MLKL: variants seen among roughly 807,000 people sequenced by gnomAD.
MLKL encodes mixed lineage kinase domain-like protein.
Under a neutral mutation model 56.5 loss-of-function variants are expected in MLKL, and 55 were observed. The ratio of observed to expected loss-of-function variants is 0.97; its 90% confidence interval spans 0.78 to 1.22. The LOEUF (loss-of-function observed/expected upper bound fraction) is 1.22. MLKL is among the 50% of genes most tolerant of loss of function. The pLI is 0.00. For missense variants in MLKL, 694 were observed against 573.9 expected, an observed-to-expected ratio of 1.21 and a Z score of -2.14; for synonymous variants, 251 against 208.3, an observed-to-expected ratio of 1.20 and a Z score of -1.76.
intron 5 of MLKL, among the ~76,000 whole-genome samples, chr16:74,683,470 C>T (rs1960119681): frequency 1.3e-5 from 2 of 151,426 alleles, no homozygotes; most frequent in African/African-American, 4.9e-5. Flanking sequence ...GTGGGACATG[C>T]CTGTAGTCCC....
In MLKL at chr16:74,685,224, C is replaced by T. The variant is rs376874631; in HGVS notation, c.820+262G>A. Among the ~76,000 whole-genome samples the T allele has an allele frequency of 6.6e-5, 10 of 152,144 alleles. No individual in the cohort carries two copies. In the South Asian group the frequency reaches 1.2e-3, roughly 19 times the overall value. ...TCTTCCAGGCTGGCATCTAAACATG[C>T]ACCCCCTTATTTCCCAGTGGGCTGA... On this transcript the variant is annotated intron_variant, in intron 5 of 10. Coordinates refer to ENST00000308807, the MANE Select transcript of MLKL (RefSeq NM_152649.4).
At chr16:74,684,431 GAAAA>G (rs66482612) in intron 5 of MLKL, among the ~76,000 whole-genome samples, 1 of 112,746 alleles carries the variant, frequency 8.9e-6, no homozygotes, top group Admixed American at 1.0e-4. Context: ...GGGAAAAAAA[GAAAA>G]AAAAAAAAAA....
At chr16:74,675,889 G>A (rs781716397) in intron 7 of MLKL, 125 bp from the exon 8 acceptor site, 26 of 1,033,642 alleles carry the variant, frequency 2.5e-5, no homozygotes, top group Admixed American at 4.6e-5. Flanking sequence ...ATTTCCTGTC[G>A]TGACTTCTGT....
chr16:74,693,463 A>AAAAG (rs1960803472), intron 2 of MLKL, among the ~76,000 whole-genome samples: 1 of 100,702 alleles, frequency 9.9e-6, no homozygotes, highest in Non-Finnish European at 2.0e-5. Flanking sequence ...CAAAAAAAAA[A>AAAAG]AAAAAGAAAA....
At chr16:74,697,232 G>T (rs1961099828) in intron 1 of MLKL, among the ~76,000 whole-genome samples, 3 of 151,716 alleles carry the variant, frequency 2.0e-5, no homozygotes, top group Admixed American at 6.6e-5. Flanking sequence ...TGATCCTAAA[G>T]CTTGGAATGA....
At chr16:74,674,313 T>G (rs1480284377) in intron 10 of MLKL, among the ~76,000 whole-genome samples, 1 of 151,860 alleles carries the variant, frequency 6.6e-6, no homozygotes, top group Non-Finnish European at 1.5e-5. Flanking sequence ...CCAATATACT[T>G]GGCTAATTTT....
intron 1 of MLKL, among the ~76,000 whole-genome samples, chr16:74,698,624 C>G (rs1898547750): frequency 6.6e-6 from 1 of 152,176 alleles, no homozygotes; most frequent in South Asian, 2.1e-4. Flanking sequence ...GAAACAGAAG[C>G]AAATGTGGCA....
At chr16:74,695,784 T>C in intron 1 of MLKL, 25 bp from the exon 2 acceptor site, 1 of 1,551,288 alleles carries the variant, frequency 6.4e-7, no homozygotes, top group Non-Finnish European at 8.7e-7. Flanking sequence ...TGGAATTTGG[T>C]GAAATCCCCA....
At position 74,675,411 on chromosome 16, in the gene MLKL, G is replaced by C; in HGVS notation, c.1191-7C>G. Reference sequence around the variant, plus strand: ...CCAGAGGACGATTCCAAAGCTAAAAGAAAACCAAGAAACTGAACAACCATA... The same window carrying C: ...CCAGAGGACGATTCCAAAGCTAAAACAAAACCAAGAAACTGAACAACCATA... On this transcript the variant is annotated splice_polypyrimidine_tract_variant and splice_region_variant and intron_variant, in intron 8 of 10. Coordinates refer to ENST00000308807, the MANE Select transcript of MLKL (RefSeq NM_152649.4). The C allele has an allele frequency of 1.9e-6, 3 of 1,613,268 alleles. No individual in the cohort carries two copies. The highest frequency in any genetic ancestry group is 8.5e-7 in the Non-Finnish European group (1 of 1,179,972).
intron 1 of MLKL, among the ~76,000 whole-genome samples, chr16:74,699,769 T>C (rs1961264833): frequency 6.6e-6 from 1 of 152,060 alleles, no homozygotes; most frequent in Non-Finnish European, 1.5e-5. Context: ...ACCCTGGCTC[T>C]ACCAAAAAAT....
intron 1 of MLKL, among the ~76,000 whole-genome samples, chr16:74,697,956 A>G (rs564376926): frequency 6.6e-6 from 1 of 152,334 alleles, no homozygotes; most frequent in Admixed American, 6.5e-5. Context: ...CTGTAATCCC[A>G]GCACTTTGTG....
rs201194709 is a variant in MLKL, at chr16:74,695,563, G to T, written c.195C>A (p.Phe65Leu). Residue 65 changes from phenylalanine to leucine, a missense_variant, in exon 2 of 11, where the codon TTC becomes TTA. Transcript: ENST00000308807. ...SEKLTTAMNR[F>L]KAALEEANGE... Reference sequence around the variant, plus strand: ...CATTAGCCTCCTCCAGGGCAGCCTTGAAGCGGTTCATGGCTGTGGTTAACT... The same window carrying T: ...CATTAGCCTCCTCCAGGGCAGCCTTTAAGCGGTTCATGGCTGTGGTTAACT... 2.0e-4 allele frequency: 329 copies of T among 1,614,196 alleles called. 1 individual carries two copies. The highest frequency in any genetic ancestry group is 1.6e-4 in the Middle Eastern group (1 of 6,062).
In MLKL at chr16:74,691,398, G is replaced by A. The variant is rs371470408; in HGVS notation, c.601C>T (p.Leu201Phe). Residue 201 changes from leucine to phenylalanine, a missense_variant, in exon 4 of 11, where the codon CTT becomes TTT. Coordinates refer to ENST00000308807, the MANE Select transcript of MLKL (RefSeq NM_152649.4). ...EQIKEIKKEQLSGSPWILLRE... is the reference protein window; with the variant it reads ...EQIKEIKKEQFSGSPWILLRE... Reference sequence around the variant, plus strand: ...AGCAGAATCCACGGGGATCCTGAAAGCTGCTCCTTCTTGATCTCCTTGATT... The same window carrying A: ...AGCAGAATCCACGGGGATCCTGAAAACTGCTCCTTCTTGATCTCCTTGATT... 1 of 1,614,116 alleles carries A rather than the reference G, an allele frequency of 6.2e-7. No homozygotes were observed. The highest frequency in any genetic ancestry group is 2.2e-5 in the East Asian group (1 of 44,872).
Position 74,672,345 on chromosome 16 carries a change from C to T in MLKL, c.*159G>A, listed in dbSNP as rs1371814166. The stretch of plus-strand genomic sequence containing the variant: ...AATATCATTTGGAGTGGGATGTGTC[C>T]TGTATGACTGGAATCGTTTTCTATT... On this transcript the variant is annotated 3_prime_UTR_variant, in exon 11 of 11. Transcript: ENST00000308807. 4 of 668,532 alleles carry T rather than the reference C, an allele frequency of 6.0e-6. No homozygotes were observed. The highest frequency in any genetic ancestry group is 2.6e-4 in the Middle Eastern group (1 of 3,916). 41.4% of individuals were successfully genotyped at this position (668,532 alleles called of 1,614,324 possible).
At chr16:74,680,738 C>T (rs546904305) in intron 6 of MLKL, among the ~76,000 whole-genome samples, 2 of 152,138 alleles carry the variant, frequency 1.3e-5, no homozygotes, top group Non-Finnish European at 2.9e-5. Context: ...ATCTCTTTAC[C>T]TTGTGATCTG....
chr16:74,695,961 G>C (rs552392131), intron 1 of MLKL, among the ~76,000 whole-genome samples: 2 of 152,318 alleles, frequency 1.3e-5, no homozygotes, highest in East Asian at 1.9e-4. Context: ...GGGAAGAGCT[G>C]GTCCAGCCGG....
chr16:74,695,216 C>T, intron 2 of MLKL, 82 bp downstream of exon 2: 2 of 1,411,170 alleles, frequency 1.4e-6, no homozygotes, highest in South Asian at 1.3e-5. Flanking sequence ...CAAACTTCAT[C>T]ATTGCTGCTC....
At chr16:74,696,962 TA>T (rs1283579318) in intron 1 of MLKL, among the ~76,000 whole-genome samples, 30 of 141,868 alleles carry the variant, frequency 2.1e-4, no homozygotes, top group Admixed American at 4.2e-4. Context: ...TACATATATA[TA>T]GTAATATATA....
chr16:74,675,331 T>A, intron 9 of MLKL, 24 bp downstream of exon 9: 1 of 1,614,194 alleles, frequency 6.2e-7, no homozygotes, highest in Non-Finnish European at 8.5e-7. Flanking sequence ...CACCACTGGC[T>A]GAGCCAGTCT....
Sources: gnomAD v4.1 joint callset for allele counts (sites outside exome capture counted in the v4.1 genomes callset) on GRCh38, gnomAD v4.1.1 for gene constraint, MANE v1.5 for transcripts, NCBI Gene and HGNC (gene_info 2026-07-23, HGNC 2026-07-21) for gene names.